CNST: variants seen among roughly 807,000 people sequenced by gnomAD.
CNST encodes the protein consortin, connexin sorting protein, also known as consortin.
In CNST, 39 loss-of-function variants were observed where a neutral mutation model predicts 72.4. That is an observed-to-expected ratio of 0.54 (90% CI 0.42 to 0.70). The LOEUF is 0.70. CNST is among the 30% of genes least tolerant of loss of function. The probability of loss-of-function intolerance (pLI) is 0.00; values close to 1 mark genes in which losing one functional copy is unlikely to be tolerated. For missense variants in CNST, 871 were observed against 868.5 expected, an observed-to-expected ratio of 1.00 and a Z score of -0.04; for synonymous variants, 332 against 320.1, an observed-to-expected ratio of 1.04 and a Z score of -0.40.
At chr1:246,573,471 C>G (rs1244376108) in intron 1 of CNST, among the ~76,000 whole-genome samples, 1 of 152,120 alleles carries the variant, frequency 6.6e-6, no homozygotes. Context: ...GTATTTAATT[C>G]AAGAAGTTAG....
At chr1:246,654,469 A>G (rs1202193680) in intron 9 of CNST, among the ~76,000 whole-genome samples, 3 of 152,248 alleles carry the variant, frequency 2.0e-5, no homozygotes, top group African/African-American at 7.2e-5. Context: ...TCTTTCAAAC[A>G]ATTCCTCGGA....
At chr1:246,575,944 C>G (rs1172590502) in intron 1 of CNST, among the ~76,000 whole-genome samples, 1 of 151,984 alleles carries the variant, frequency 6.6e-6, no homozygotes, top group East Asian at 1.9e-4. Context: ...TTTCAGTGCT[C>G]TCTGGGCGCG....
intron 8 of CNST, among the ~76,000 whole-genome samples, chr1:246,644,363 G>A (rs1464801527): frequency 6.9e-6 from 1 of 145,418 alleles, no homozygotes; most frequent in Non-Finnish European, 1.5e-5. Flanking sequence ...CGCTCCGCCT[G>A]GGCGACAGAG....
At chr1:246,605,355 C>T (rs1662647578) in intron 2 of CNST, among the ~76,000 whole-genome samples, 2 of 152,222 alleles carry the variant, frequency 1.3e-5, no homozygotes, top group African/African-American at 2.4e-5. Context: ...GCAAGGGAGT[C>T]GCTTGAGTCC....
intron 9 of CNST, 67 bp from the exon 10 acceptor site, chr1:246,660,132 T>A: frequency 7.3e-7 from 1 of 1,368,326 alleles, no homozygotes; most frequent in East Asian, 2.4e-5. Flanking sequence ...AATGAGCCTT[T>A]TTATAGCTAC....
At chr1:246,590,071 A>G (rs1417787851) in intron 1 of CNST, among the ~76,000 whole-genome samples, 1 of 152,138 alleles carries the variant, frequency 6.6e-6, no homozygotes, top group Non-Finnish European at 1.5e-5. Flanking sequence ...AGTTTTAATG[A>G]ACTCCTCATT....
At chr1:246,569,842 A>C (rs1415637232) in intron 1 of CNST, 1 of 449,004 alleles carries the variant, frequency 2.2e-6, no homozygotes, top group East Asian at 1.6e-4. Flanking sequence ...AGTTATTTAC[A>C]TCTGCACGTC....
rs1664095500 is a variant in CNST at position 246,621,574 on chromosome 1, A to G, written c.525A>G (p.Ser175=). 8.1e-6 allele frequency: 13 copies of G among 1,614,192 alleles called. No homozygotes were observed. The highest frequency in any genetic ancestry group is 1.1e-5 in the Non-Finnish European group (13 of 1,180,022). ...AGCTTGTTCTGCAGTCTCTGTTTTC[A>G]CTTATACGAGGTGAAGTTGAGCAGT... ...APKLVLQSLF[S]LIRGEVEQLD... The change falls in exon 3 of 11, where the codon TCA becomes TCG. Residue 175 remains serine, a synonymous_variant. Coordinates refer to ENST00000366513, the MANE Select transcript of CNST (RefSeq NM_152609.3).
chr1:246,577,202 A>T (rs965566922), intron 1 of CNST, among the ~76,000 whole-genome samples: 1 of 152,004 alleles, frequency 6.6e-6, no homozygotes. Context: ...GTTCTTCAGA[A>T]CTGATACTTC....
Position 246,586,111 on chromosome 1 carries a change from A to ATATATGTGTG in CNST, c.-51-5400_-51-5399insATATGTGTGT, listed in dbSNP as rs777928408. On this transcript the variant is annotated intron_variant, in intron 1 of 10. Coordinates refer to ENST00000366513, the MANE Select transcript of CNST (RefSeq NM_152609.3). ...GAGGGGGAGATATATATATATATAT[A>ATATATGTGTG]TGTGTGTGTGTGTGTGTGTGTGTGT... is the stretch of plus-strand genomic sequence containing the variant. Among the ~76,000 whole-genome samples the ATATATGTGTG allele has an allele frequency of 2.7e-4, 28 of 102,694 alleles. 1 individual carries two copies. The highest frequency in any genetic ancestry group is 5.2e-4 in the African/African-American group (13 of 25,034). 67.4% of individuals were successfully genotyped at this position (102,694 alleles called of 152,430 possible).
In CNST at chr1:246,645,588, C is replaced by T. The variant is rs538792772; in HGVS notation, c.938-1551C>T. 1.3e-3 allele frequency among the ~76,000 whole-genome samples: 204 copies of T among 151,850 alleles called. 1 individual carries two copies. Among genetic ancestry groups the T allele is most frequent in the South Asian group, 5.2e-3 (25 of 4,808 alleles). ...GACTACAGGCGCCCGCCACCGCGCC[C>T]GGCTAATTTTTTGTGTTTTTAGTAG... On this transcript the variant is annotated intron_variant, in intron 8 of 10. Coordinates refer to ENST00000366513, the MANE Select transcript of CNST (RefSeq NM_152609.3).
chr1:246,636,256 C>T (rs569915411), intron 6 of CNST, among the ~76,000 whole-genome samples: 5 of 152,186 alleles, frequency 3.3e-5, no homozygotes, highest in South Asian at 2.1e-4. Flanking sequence ...ACCTGCGGCA[C>T]GATGGGTTTT....
At chr1:246,605,040 A>G (rs1018470842) in intron 2 of CNST, among the ~76,000 whole-genome samples, 5 of 152,218 alleles carry the variant, frequency 3.3e-5, no homozygotes, top group Non-Finnish European at 5.9e-5. Context: ...ATTTTCAGAC[A>G]TACGAGAAAA....
intron 1 of CNST, among the ~76,000 whole-genome samples, chr1:246,585,767 G>A (rs184462780): frequency 6.7e-6 from 1 of 149,824 alleles, no homozygotes; most frequent in East Asian, 2.0e-4. Flanking sequence ...TACCTACAGT[G>A]GGTATACTCA....
chr1:246,640,608 T>G (rs1665623281), intron 6 of CNST, among the ~76,000 whole-genome samples: 1 of 152,222 alleles, frequency 6.6e-6, no homozygotes, highest in African/African-American at 2.4e-5. Flanking sequence ...GCTAAAAGAC[T>G]TTCCATTTTA....
chr1:246,643,246 C>A (rs192131975), intron 8 of CNST, among the ~76,000 whole-genome samples: 37 of 152,252 alleles, frequency 2.4e-4, no homozygotes, highest in Non-Finnish European at 4.9e-4. Context: ...TACTTTATCT[C>A]CTTTTCACTT....
intron 8 of CNST, among the ~76,000 whole-genome samples, chr1:246,645,947 C>T (rs187007608): frequency 4.1e-4 from 62 of 152,114 alleles, no homozygotes; most frequent in African/African-American, 1.4e-3. Flanking sequence ...CTACTTGTTG[C>T]AAAAACTTAT....
At chr1:246,572,445 T>G (rs1283011610) in intron 1 of CNST, among the ~76,000 whole-genome samples, 1 of 152,220 alleles carries the variant, frequency 6.6e-6, no homozygotes, top group Non-Finnish European at 1.5e-5. Context: ...TACAACTAAA[T>G]CTTAAAAATA....
At chr1:246,651,137 T>A (rs1040135733) in intron 9 of CNST, among the ~76,000 whole-genome samples, 1 of 139,202 alleles carries the variant, frequency 7.2e-6, no homozygotes, top group African/African-American at 2.9e-5. Flanking sequence ...GTTTTTGAAA[T>A]TTTTTTTTAT....
Sources: gnomAD v4.1 joint callset for allele counts (sites outside exome capture counted in the v4.1 genomes callset) on GRCh38, gnomAD v4.1.1 for gene constraint, MANE v1.5 for transcripts, NCBI Gene and HGNC (gene_info 2026-07-23, HGNC 2026-07-21) for gene names.